Variants in KLHL28 observed in about 807,000 individuals in gnomAD.
The protein encoded by KLHL28 is kelch like family member 28.
In KLHL28, 22 loss-of-function variants were observed where a neutral mutation model predicts 48.3. The observed-to-expected ratio is 0.46, with a 90% CI of 0.33 to 0.65. KLHL28 has a LOEUF of 0.65. KLHL28 is among the 30% of genes least tolerant of loss of function. The pLI is 0.03. For missense variants in KLHL28, 527 were observed against 704.3 expected (o/e 0.75, Z 2.85); for synonymous variants, 243 against 242.4 (o/e 1.00, Z -0.02).
chr14:44,930,347 T>C (rs1310871709), intron 4 of KLHL28, among the ~76,000 whole-genome samples: 2 of 152,134 alleles, frequency 1.3e-5, no homozygotes, highest in African/African-American at 2.4e-5. Context: ...TAGAGTGCAG[T>C]GGCGCGATCT....
At chr14:44,946,757 T>C (rs1366464010) in intron 1 of KLHL28, among the ~76,000 whole-genome samples, 1 of 152,150 alleles carries the variant, frequency 6.6e-6, no homozygotes, top group East Asian at 1.9e-4. Context: ...GGTTTCACCA[T>C]GTTGGCCAGG....
rs142828824 is a variant in KLHL28 at position 44,954,868 on chromosome 14, A to C, written c.-1+6978T>G. Among the ~76,000 whole-genome samples, 706 of 152,318 alleles carry C rather than the reference A, an allele frequency of 4.6e-3. 10 individuals are homozygous for C. Among genetic ancestry groups the C allele is most frequent in the African/African-American group, 0.015 (637 of 41,574 alleles). On this transcript the variant is annotated intron_variant, in intron 1 of 4. Transcript: ENST00000396128. The stretch of plus-strand genomic sequence containing the variant: ...GAAAATTGAAAATACAAAGGAAGAA[A>C]ATATCAACTTAGTGGCCTTACCATA...
chr14:44,935,890 G>GTATATATATATATA (rs139707349), intron 2 of KLHL28, among the ~76,000 whole-genome samples: 794 of 59,126 alleles, frequency 0.013, 118 homozygotes, highest in Middle Eastern at 0.044. Context: ...ATATATGTGT[G>GTATATATATATATA]TATATATATA....
intron 2 of KLHL28, among the ~76,000 whole-genome samples, chr14:44,943,959 C>T (rs910890795): frequency 1.3e-5 from 2 of 152,038 alleles, no homozygotes; most frequent in African/African-American, 4.8e-5. Flanking sequence ...AAGTGATCCT[C>T]CTGTGTTGGC....
At chr14:44,954,289 A>G (rs1884707097) in intron 1 of KLHL28, among the ~76,000 whole-genome samples, 1 of 152,232 alleles carries the variant, frequency 6.6e-6, no homozygotes, top group Non-Finnish European at 1.5e-5. Context: ...GAATCTATCC[A>G]AAAATTACAC....
chr14:44,935,606 T>C (rs1166277860), intron 2 of KLHL28, among the ~76,000 whole-genome samples: 2 of 151,936 alleles, frequency 1.3e-5, no homozygotes, highest in Non-Finnish European at 2.9e-5. Context: ...ACTGCACTTA[T>C]ATTAAAACGT....
chr14:44,945,127 G>T lies in KLHL28; in HGVS notation c.802C>A (p.Leu268Ile). 6.2e-7 allele frequency: 1 copy of T among 1,614,068 alleles called. No homozygotes were observed. Among genetic ancestry groups the T allele is most frequent in the South Asian group, 1.1e-5 (1 of 91,080 alleles). The change falls in exon 2 of 5, where the codon CTC becomes ATC. Residue 268 changes from leucine (L) to isoleucine (I), a missense_variant. Physicochemically the swap from Leu to Ile is conservative, Grantham distance 5. Transcript: ENST00000396128. ...GTCATCAAGACTGTCTGATGAGAGA[G>T]TCTATGTTCAGGCATAAAGTGGTAC... ...LKYHFMPEHR[L>I]SHQTVLMTRP...
chr14:44,926,709 T>G lies in KLHL28; in HGVS notation c.*2319A>C, dbSNP rs1054661192. 1 of 152,178 alleles carries G rather than the reference T, an allele frequency of 6.6e-6. No individual in the cohort carries two copies. The highest frequency in any genetic ancestry group is 2.4e-5 in the African/African-American group (1 of 41,428). The allele number at this position is 152,178 out of a possible 1,614,324, so 9.4% of individuals were successfully genotyped here. A position where few individuals can be genotyped will look rare whatever the true frequency, so the allele number is the denominator to read the frequency against. On this transcript the variant is annotated 3_prime_UTR_variant, in exon 5 of 5. Transcript: ENST00000396128. Reference sequence around the variant, plus strand: ...TTTTAGTAGAGACGGGGTTTCACCATGTTGGCCAGGCTGGTCTCGAACTCC... The same window carrying G: ...TTTTAGTAGAGACGGGGTTTCACCAGGTTGGCCAGGCTGGTCTCGAACTCC...
At chr14:44,950,495 G>A (rs1013516262) in intron 1 of KLHL28, among the ~76,000 whole-genome samples, 3 of 152,038 alleles carry the variant, frequency 2.0e-5, no homozygotes, top group Admixed American at 6.6e-5. Context: ...CATATGACAC[G>A]CAAAAATGAC....
intron 1 of KLHL28, among the ~76,000 whole-genome samples, chr14:44,951,081 A>G (rs1401725325): frequency 1.3e-5 from 2 of 152,250 alleles, no homozygotes; most frequent in African/African-American, 4.8e-5. Context: ...CACATCAAAA[A>G]TGGTAACACA....
chr14:44,928,905 C>T lies in KLHL28; in HGVS notation c.*123G>A, dbSNP rs145159377. ...AAAAGTACCCAACAAAACTTTTGAGCCTTCATGCTACTTCAAGTTAAAAAG... is the reference window on the plus strand; with the variant it reads ...AAAAGTACCCAACAAAACTTTTGAGTCTTCATGCTACTTCAAGTTAAAAAG... On this transcript the variant is annotated 3_prime_UTR_variant, in exon 5 of 5. Coordinates refer to ENST00000396128, the MANE Select transcript of KLHL28 (RefSeq NM_017658.5). 5 of 782,204 alleles carry T rather than the reference C, an allele frequency of 6.4e-6. No individual in the cohort carries two copies. In the Admixed American group the frequency reaches 1.3e-4, roughly 21 times the overall value. The allele number at this position is 782,204 out of a possible 1,614,324, so 48.5% of individuals were successfully genotyped here. A position where few individuals can be genotyped will look rare whatever the true frequency, so the allele number is the denominator to read the frequency against.
chr14:44,934,859 A>G (rs893835534), intron 2 of KLHL28, among the ~76,000 whole-genome samples: 1 of 152,190 alleles, frequency 6.6e-6, no homozygotes, highest in Non-Finnish European at 1.5e-5. Flanking sequence ...ACATTCCTAT[A>G]TATCTACTCT....
chr14:44,945,106 T>G lies in KLHL28; in HGVS notation c.823A>C (p.Met275Leu). 1 of 1,614,132 alleles carries G rather than the reference T, an allele frequency of 6.2e-7. No homozygotes were observed. Among genetic ancestry groups the G allele is most frequent in the Non-Finnish European group, 8.5e-7 (1 of 1,179,986 alleles). Residue 275 changes from methionine (M) to leucine (L), a missense_variant, in exon 2 of 5, where the codon ATG becomes CTG. Physicochemically the swap from Met to Leu is conservative, Grantham distance 15. Transcript: ENST00000396128. ...EHRLSHQTVL[M>L]TRPRCAPKVL... is the part of the protein sequence containing the mutation. ...TTGGGAGCACAGCGAGGTCGTGTCA[T>G]CAAGACTGTCTGATGAGAGAGTCTA...
intron 1 of KLHL28, among the ~76,000 whole-genome samples, chr14:44,956,673 A>T (rs1213138336): frequency 1.3e-5 from 2 of 152,244 alleles, no homozygotes; most frequent in Admixed American, 6.5e-5. Flanking sequence ...AATTTAAAAG[A>T]CGTATCAATC....
At position 44,925,947 on chromosome 14, in the gene KLHL28, T is replaced by C; in HGVS notation, c.*3081A>G. On this transcript the variant is annotated 3_prime_UTR_variant, in exon 5 of 5. Coordinates refer to ENST00000396128, the MANE Select transcript of KLHL28 (RefSeq NM_017658.5). The stretch of plus-strand genomic sequence containing the variant: ...TACATTAATTTCTATTTCCCAGTGC[T>C]GCTCTTTTCCAAAATATTTCTGGGA... 6.6e-6 allele frequency: 1 copy of C among 152,236 alleles called. No homozygotes were observed. Among genetic ancestry groups the C allele is most frequent in the East Asian group, 1.9e-4 (1 of 5,204 alleles). 9.4% of individuals were successfully genotyped at this position (152,236 alleles called of 1,614,324 possible). A position where few individuals can be genotyped will look rare whatever the true frequency, so the allele number is the denominator to read the frequency against.
chr14:44,945,869 T>C lies in KLHL28; in HGVS notation c.60A>G (p.Gln20=), dbSNP rs1884313151. The C allele has an allele frequency of 6.2e-7, 1 of 1,614,104 alleles. No individual in the cohort carries two copies. The highest frequency in any genetic ancestry group is 1.3e-5 in the African/African-American group (1 of 75,040). Residue 20 remains glutamine (Q), a synonymous_variant, in exon 2 of 5, where the codon CAA becomes CAG. Transcript: ENST00000396128. ...LANLTHLHSE[Q]LLQGLNLLRQ... Reference sequence around the variant, plus strand: ...GAAGAAGATTCAAGCCCTGCAGAAGTTGTTCAGAATGCAAGTGGGTTAAGT... The same window carrying C: ...GAAGAAGATTCAAGCCCTGCAGAAGCTGTTCAGAATGCAAGTGGGTTAAGT...
intron 1 of KLHL28, among the ~76,000 whole-genome samples, chr14:44,960,051 G>A (rs183030243): frequency 1.3e-5 from 2 of 152,116 alleles, no homozygotes; most frequent in Non-Finnish European, 2.9e-5. Flanking sequence ...ATCCACTATG[G>A]AGACTAATGC....
chr14:44,933,749 T>C (rs950733637), intron 3 of KLHL28, among the ~76,000 whole-genome samples: 9 of 152,206 alleles, frequency 5.9e-5, no homozygotes, highest in African/African-American at 1.9e-4. Context: ...CACACAGGAA[T>C]TAAATTTCTA....
chr14:44,931,311 G>A, intron 4 of KLHL28, 22 bp downstream of exon 4: 1 of 1,516,892 alleles, frequency 6.6e-7, no homozygotes, highest in Non-Finnish European at 9.1e-7. Context: ...TACATGTTTA[G>A]AAATTAATAA....
Sources: allele counts gnomAD v4.1 joint callset (sites outside exome capture counted in the v4.1 genomes callset), GRCh38; gene constraint gnomAD v4.1.1; transcripts MANE v1.5; gene names NCBI Gene and HGNC (gene_info 2026-07-23, HGNC 2026-07-21).